Variants in SHISA6 observed in about 807,000 individuals in gnomAD.
SHISA6 encodes shisa family member 6.
Under a neutral mutation model 47.9 loss-of-function variants are expected in SHISA6, and 22 were observed. That is an observed-to-expected ratio of 0.46 (90% CI 0.33 to 0.66). SHISA6 has a LOEUF of 0.66. Among genes scored for constraint, SHISA6 ranks in the 30% least tolerant of loss-of-function variants. The probability of loss-of-function intolerance (pLI) is 0.02; values close to 1 mark genes in which losing one functional copy is unlikely to be tolerated. For synonymous variants in SHISA6, 388 were observed against 337.8 expected, an observed-to-expected ratio of 1.15 and a Z score of -1.63; for missense variants, 680 against 764.6, an observed-to-expected ratio of 0.89 and a Z score of 1.30.
chr17:11,259,429 T>G (rs1434099937), intron 1 of SHISA6, among the ~76,000 whole-genome samples: 1 of 152,214 alleles, frequency 6.6e-6, no homozygotes, highest in Non-Finnish European at 1.5e-5. Flanking sequence ...TAGTAATCAC[T>G]CAATAAATGA....
chr17:11,460,933 A>G (rs1189433520), intron 3 of SHISA6, among the ~76,000 whole-genome samples: 2 of 152,228 alleles, frequency 1.3e-5, no homozygotes, highest in Non-Finnish European at 2.9e-5. Flanking sequence ...TGCAACTGGG[A>G]TCACAAATGT....
At chr17:11,481,360 G>GTATATATATA (rs1346846568) in intron 3 of SHISA6, among the ~76,000 whole-genome samples, 4 of 111,580 alleles carry the variant, frequency 3.6e-5, no homozygotes, top group African/African-American at 1.4e-4. Context: ...GTGTGTGTGT[G>GTATATATATA]TGTGTGTATA....
chr17:11,407,443 T>A (rs945541729), intron 3 of SHISA6, among the ~76,000 whole-genome samples: 5 of 152,102 alleles, frequency 3.3e-5, no homozygotes, highest in Admixed American at 2.6e-4. Flanking sequence ...GAATGGACCA[T>A]CAGGGTTCTC....
At position 11,558,100 on chromosome 17, in the gene SHISA6, A is replaced by G. The variant is rs1336287990; in HGVS notation, c.1452A>G (p.Thr484=). 1 of 1,551,492 alleles carries G rather than the reference A, an allele frequency of 6.4e-7. No individual in the cohort carries two copies. The highest frequency in any genetic ancestry group is 2.4e-5 in the East Asian group (1 of 40,898). Reference sequence around the variant, plus strand: ...CGCACACGGACGTCTTTGTGTCCACACCCGTGCTGGACCGCTACCGCATGA... The same window carrying G: ...CGCACACGGACGTCTTTGTGTCCACGCCCGTGCTGGACCGCTACCGCATGA... ...AISHTDVFVS[T]PVLDRYRMSK... is the part of the protein sequence containing the mutation. The change falls in exon 6 of 6, where the codon ACA becomes ACG. Residue 484 remains threonine, a synonymous_variant. Coordinates refer to ENST00000441885, the MANE Select transcript of SHISA6 (RefSeq NM_207386.4).
intron 3 of SHISA6, among the ~76,000 whole-genome samples, chr17:11,386,259 C>T (rs1913191675): frequency 6.6e-6 from 1 of 152,108 alleles, no homozygotes; most frequent in South Asian, 2.1e-4. Flanking sequence ...CCTGTAATTG[C>T]AGCTACTTGG....
At chr17:11,517,883 C>T (rs2071598652) in intron 3 of SHISA6, among the ~76,000 whole-genome samples, 1 of 152,068 alleles carries the variant, frequency 6.6e-6, no homozygotes, top group African/African-American at 2.4e-5. Flanking sequence ...GGCCCAACCT[C>T]CATCAATGGC....
At chr17:11,402,279 A>G (rs1230677883) in intron 3 of SHISA6, among the ~76,000 whole-genome samples, 1 of 152,224 alleles carries the variant, frequency 6.6e-6, no homozygotes, top group Non-Finnish European at 1.5e-5. Flanking sequence ...CCAACCTGCC[A>G]TAGTCAGAGG....
chr17:11,366,001 C>T (rs1330662835), intron 2 of SHISA6, among the ~76,000 whole-genome samples: 7 of 152,062 alleles, frequency 4.6e-5, no homozygotes, highest in Non-Finnish European at 1.0e-4. Context: ...ACTGCAAGTG[C>T]AAAGGATGTA....
At chr17:11,538,173 C>T (rs1044108298) in intron 3 of SHISA6, among the ~76,000 whole-genome samples, 1 of 152,138 alleles carries the variant, frequency 6.6e-6, no homozygotes, top group Admixed American at 6.5e-5. Flanking sequence ...AAGCAATTCT[C>T]CTGCCTCAGC....
At chr17:11,359,876 A>C (rs1912203898) in intron 2 of SHISA6, among the ~76,000 whole-genome samples, 1 of 152,180 alleles carries the variant, frequency 6.6e-6, no homozygotes, top group Admixed American at 6.5e-5. Flanking sequence ...TGGGAGTGTA[A>C]ATTAGTTCAA....
chr17:11,343,106 CT>C (rs1224931667), intron 2 of SHISA6, among the ~76,000 whole-genome samples: 1 of 152,200 alleles, frequency 6.6e-6, no homozygotes, highest in African/African-American at 2.4e-5. Flanking sequence ...CCAGTTCCTT[CT>C]TTCCCCCTAT....
intron 2 of SHISA6, among the ~76,000 whole-genome samples, chr17:11,376,551 C>A (rs1248349862): frequency 6.6e-6 from 1 of 152,080 alleles, no homozygotes; most frequent in Non-Finnish European, 1.5e-5. Flanking sequence ...GTCTCGATCT[C>A]CTGACCTCAT....
chr17:11,363,614 T>G (rs1174407195), intron 2 of SHISA6, among the ~76,000 whole-genome samples: 2 of 152,190 alleles, frequency 1.3e-5, no homozygotes, highest in Admixed American at 1.3e-4. Context: ...AAATAAAAGT[T>G]TAATGCAAGG....
chr17:11,520,532 T>C (rs770122351), intron 3 of SHISA6, among the ~76,000 whole-genome samples: 7 of 152,114 alleles, frequency 4.6e-5, no homozygotes, highest in Non-Finnish European at 8.8e-5. Context: ...CAAGCCTCTC[T>C]CCTTCTTGCT....
intron 1 of SHISA6, among the ~76,000 whole-genome samples, chr17:11,251,785 G>T (rs1472581572): frequency 6.6e-6 from 1 of 152,042 alleles, no homozygotes; most frequent in African/African-American, 2.4e-5. Flanking sequence ...CTCTGTTTCC[G>T]GTTCTCTCAA....
chr17:11,488,335 G>C (rs8070424), intron 3 of SHISA6, among the ~76,000 whole-genome samples: 6,911 of 152,078 alleles, frequency 0.045, 170 homozygotes, highest in African/African-American at 0.068. Context: ...TTGTATTATA[G>C]ATGAGCAAAA....
chr17:11,461,609 T>A (rs2142314003), intron 3 of SHISA6, among the ~76,000 whole-genome samples: 1 of 152,220 alleles, frequency 6.6e-6, no homozygotes, highest in South Asian at 2.1e-4. Context: ...AGTTTTATTG[T>A]GGTTTCCACA....
At chr17:11,416,147 T>C (rs1914273457) in intron 3 of SHISA6, among the ~76,000 whole-genome samples, 1 of 152,130 alleles carries the variant, frequency 6.6e-6, no homozygotes, top group African/African-American at 2.4e-5. Context: ...TGCCATCACA[T>C]TGGGCATTTA....
chr17:11,531,418 A>C (rs1349014325), intron 3 of SHISA6, among the ~76,000 whole-genome samples: 1 of 152,054 alleles, frequency 6.6e-6, no homozygotes, highest in East Asian at 1.9e-4. Context: ...TGGAATTAGT[A>C]CTGATAAACA....
Sources: allele counts gnomAD v4.1 joint callset (sites outside exome capture counted in the v4.1 genomes callset), GRCh38; gene constraint gnomAD v4.1.1; transcripts MANE v1.5; gene names NCBI Gene and HGNC (gene_info 2026-07-23, HGNC 2026-07-21).